Variants in SCYL2 observed in about 807,000 individuals in gnomAD.
SCYL2 encodes SCY1-like protein 2.
Under a neutral mutation model 100.4 loss-of-function variants are expected in SCYL2, and 36 were observed. The observed-to-expected ratio is 0.36, with a 90% CI of 0.27 to 0.47. The LOEUF (loss-of-function observed/expected upper bound fraction) is 0.47. SCYL2 is among the 20% of genes least tolerant of loss of function. The pLI, the probability that SCYL2 is intolerant of heterozygous loss-of-function variation, is 1.00. For synonymous variants in SCYL2, 330 were observed against 359.2 expected (o/e 0.92, Z 0.92); for missense variants, 902 against 1,083.9 (o/e 0.83, Z 2.36).
chr12:100,292,200 C>T (rs867901719), intron 3 of SCYL2, among the ~76,000 whole-genome samples: 8 of 152,230 alleles, frequency 5.3e-5, no homozygotes, highest in African/African-American at 1.4e-4. Context: ...ACTAGACTCT[C>T]AAGCTTGTGG....
At chr12:100,270,128 A>G (rs568018889) in intron 1 of SCYL2, among the ~76,000 whole-genome samples, 1 of 151,662 alleles carries the variant, frequency 6.6e-6, no homozygotes, top group African/African-American at 2.4e-5. Flanking sequence ...CTGGGACTAC[A>G]GGCGCCCACC....
At chr12:100,328,874 C>T (rs893746824) in intron 12 of SCYL2, among the ~76,000 whole-genome samples, 12 of 152,076 alleles carry the variant, frequency 7.9e-5, no homozygotes, top group Admixed American at 6.5e-5. Flanking sequence ...TTAGATGTTT[C>T]AGAATAGAAG....
chr12:100,294,210 A>AC (rs1175981885), intron 3 of SCYL2, among the ~76,000 whole-genome samples: 38 of 109,826 alleles, frequency 3.5e-4, no homozygotes, highest in Admixed American at 8.3e-4. Context: ...CGGGGGGGTG[A>AC]CCCCCCCACC....
intron 4 of SCYL2, among the ~76,000 whole-genome samples, chr12:100,308,903 CT>C (rs1269194690): frequency 1.3e-5 from 2 of 152,098 alleles, no homozygotes; most frequent in African/African-American, 4.8e-5. Flanking sequence ...ATAAAGTCTC[CT>C]AGTCACTACA....
intron 17 of SCYL2, 132 bp downstream of exon 17, chr12:100,337,638 G>A (rs779787476): frequency 2.3e-6 from 2 of 881,232 alleles, no homozygotes; most frequent in Non-Finnish European, 3.5e-6. Flanking sequence ...TTTCTAAGAA[G>A]TATGGGCATA....
intron 1 of SCYL2, among the ~76,000 whole-genome samples, chr12:100,273,959 A>T (rs1295794352): frequency 6.6e-6 from 1 of 152,214 alleles, no homozygotes. Context: ...TTTAAATAGA[A>T]TTTTGTATCC....
Position 100,315,543 on chromosome 12 carries a change from A to G in SCYL2, c.1096-15A>G, listed in dbSNP as rs2096347563. On this transcript the variant is annotated splice_polypyrimidine_tract_variant and intron_variant, in intron 8 of 17. Transcript: ENST00000360820. Reference sequence around the variant, plus strand: ...AAATTTTATTTTTTTTTTAAAAAACATTTTTGCCTTTCAGCGTGTCATTGT... The same window carrying G: ...AAATTTTATTTTTTTTTTAAAAAACGTTTTTGCCTTTCAGCGTGTCATTGT... The G allele has an allele frequency of 1.3e-6, 2 of 1,558,988 alleles. No individual in the cohort carries two copies. Among genetic ancestry groups the G allele is most frequent in the Non-Finnish European group, 8.6e-7 (1 of 1,157,524 alleles).
At chr12:100,293,512 T>G (rs2096312994) in intron 3 of SCYL2, among the ~76,000 whole-genome samples, 1 of 151,586 alleles carries the variant, frequency 6.6e-6, no homozygotes, top group South Asian at 2.1e-4. Flanking sequence ...TTATGTTGTA[T>G]TTACATGTTT....
intron 12 of SCYL2, 89 bp from the exon 13 acceptor site, chr12:100,329,112 C>G: frequency 1.5e-6 from 1 of 670,232 alleles, no homozygotes. Flanking sequence ...CACAGATTAT[C>G]AAGGGATTTC....
At chr12:100,316,235 G>A (rs1168335492) in intron 9 of SCYL2, among the ~76,000 whole-genome samples, 5 of 152,158 alleles carry the variant, frequency 3.3e-5, no homozygotes, top group Non-Finnish European at 7.4e-5. Flanking sequence ...TATATGTATT[G>A]TAAGTGAAAA....
At chr12:100,274,001 G>A (rs1166424199) in intron 1 of SCYL2, among the ~76,000 whole-genome samples, 1 of 152,164 alleles carries the variant, frequency 6.6e-6, no homozygotes, top group Non-Finnish European at 1.5e-5. Context: ...AACAGCAGAT[G>A]TTCATAGAGA....
intron 4 of SCYL2, among the ~76,000 whole-genome samples, chr12:100,304,126 C>T (rs1281914037): frequency 1.3e-5 from 2 of 152,154 alleles, no homozygotes; most frequent in African/African-American, 4.8e-5. Flanking sequence ...TCGAGTGTCC[C>T]AGGTTGATTT....
intron 3 of SCYL2, among the ~76,000 whole-genome samples, chr12:100,296,087 C>T (rs1447294127): frequency 1.3e-5 from 2 of 152,178 alleles, no homozygotes; most frequent in Non-Finnish European, 2.9e-5. Context: ...TTTTCTGTGT[C>T]CCTGCAGCTT....
chr12:100,285,079 G>C (rs935210385), intron 2 of SCYL2, among the ~76,000 whole-genome samples: 1 of 152,078 alleles, frequency 6.6e-6, no homozygotes, highest in Non-Finnish European at 1.5e-5. Context: ...GCATATTATA[G>C]AATATTGCAC....
chr12:100,320,180 CT>C (rs1455249560), intron 10 of SCYL2, among the ~76,000 whole-genome samples: 1 of 152,064 alleles, frequency 6.6e-6, no homozygotes, highest in Non-Finnish European at 1.5e-5. Flanking sequence ...AATTAGACTC[CT>C]TTGAGGTTTG....
At position 100,277,639 on chromosome 12, in the gene SCYL2, C is replaced by A. The variant is rs551845235; in HGVS notation, c.-28-5304C>A. ...GTAAGCAGCATATAGTTAGGTCTTG[C>A]TTTTTTATCCAATTTGATAATCTCT... On this transcript the variant is annotated intron_variant, in intron 1 of 17. Transcript: ENST00000360820. Among the ~76,000 whole-genome samples, 10 of 152,140 alleles carry A rather than the reference C, an allele frequency of 6.6e-5. No individual in the cohort carries two copies. The South Asian group carries it at 1.5e-3, about 22-fold the overall frequency.
At chr12:100,325,968 T>A (rs2096361296) in intron 11 of SCYL2, among the ~76,000 whole-genome samples, 1 of 152,124 alleles carries the variant, frequency 6.6e-6, no homozygotes, top group Non-Finnish European at 1.5e-5. Flanking sequence ...TCTGCCTTTG[T>A]TGGTTTACTG....
rs1268094346 is a variant in SCYL2, at chr12:100,311,224, A to T, written c.630+31A>T. Reference sequence around the variant, plus strand: ...GAAAGTTTTAGTCTTCTAATTTTTGAGGCCAGGGAAATTTTGATTGCATCT... The same window carrying T: ...GAAAGTTTTAGTCTTCTAATTTTTGTGGCCAGGGAAATTTTGATTGCATCT... On this transcript the variant is annotated intron_variant, in intron 5 of 17. Coordinates refer to ENST00000360820, the MANE Select transcript of SCYL2 (RefSeq NM_017988.6). 3.8e-6 allele frequency: 6 copies of T among 1,569,182 alleles called. No individual in the cohort carries two copies. The Admixed American group carries it at 9.8e-5, about 26-fold the overall frequency.
chr12:100,320,267 G>A (rs904495672), intron 10 of SCYL2, among the ~76,000 whole-genome samples: 8 of 152,138 alleles, frequency 5.3e-5, no homozygotes, highest in African/African-American at 1.9e-4. Context: ...ATCCCGGGCT[G>A]GGTGCGGTGG....
Sources: gnomAD v4.1 joint callset for allele counts (sites outside exome capture counted in the v4.1 genomes callset) on GRCh38, gnomAD v4.1.1 for gene constraint, MANE v1.5 for transcripts, NCBI Gene and HGNC (gene_info 2026-07-23, HGNC 2026-07-21) for gene names.